POLD3: variants seen among roughly 807,000 people sequenced by gnomAD.
The protein encoded by POLD3 is DNA polymerase delta 3, accessory subunit, also known as DNA polymerase delta subunit 3.
A neutral mutation model predicts 58.2 loss-of-function variants in POLD3; 19 were observed. The observed-to-expected ratio is 0.33, with a 90% CI of 0.23 to 0.48. The LOEUF is 0.48. Ranked by LOEUF, POLD3 falls within the 20% of genes least tolerant of loss-of-function variation. POLD3 has a pLI of 0.99. For missense variants in POLD3, 504 were observed against 545.5 expected, an observed-to-expected ratio of 0.92 and a Z score of 0.76; for synonymous variants, 172 against 193.5, an observed-to-expected ratio of 0.89 and a Z score of 0.92.
intron 6 of POLD3, among the ~76,000 whole-genome samples, chr11:74,619,459 T>A (rs540089274): frequency 1.3e-5 from 2 of 152,330 alleles, no homozygotes; most frequent in African/African-American, 4.8e-5. Context: ...AGAAGAAGGA[T>A]GGAGGAAAAC....
chr11:74,623,377 G>A (rs1456914422), intron 7 of POLD3, among the ~76,000 whole-genome samples: 5 of 152,208 alleles, frequency 3.3e-5, no homozygotes, highest in South Asian at 2.1e-4. Context: ...GGAGCTTGCA[G>A]TGAGCCGAGA....
At position 74,641,548 on chromosome 11, in the gene POLD3, C is replaced by A; in HGVS notation, c.*782C>A. The A allele has an allele frequency of 1.0e-6, 1 of 985,446 alleles. No homozygotes were observed. Among genetic ancestry groups the A allele is most frequent in the Admixed American group, 6.1e-5 (1 of 16,276 alleles). The allele number at this position is 985,446 out of a possible 1,614,324, so 61.0% of individuals were successfully genotyped here. A position where few individuals can be genotyped will look rare whatever the true frequency, so the allele number is the denominator to read the frequency against. On this transcript the variant is annotated 3_prime_UTR_variant, in exon 12 of 12. Transcript: ENST00000263681. ...TGGAGGAGCTGCCGTGCTGCTGATA[C>A]GGGGTGTGCTTTATGCTGCTCTTTG... is the stretch of plus-strand genomic sequence containing the variant.
At chr11:74,627,662 T>A (rs1231697856) in intron 8 of POLD3, among the ~76,000 whole-genome samples, 1 of 152,152 alleles carries the variant, frequency 6.6e-6, no homozygotes, top group Non-Finnish European at 1.5e-5. Flanking sequence ...TAATCTTTTT[T>A]ATACAGTATT....
intron 4 of POLD3, among the ~76,000 whole-genome samples, chr11:74,658,385 C>T (rs1458712239): frequency 1.3e-5 from 2 of 152,118 alleles, no homozygotes; most frequent in African/African-American, 4.8e-5. Context: ...GGGACACAGC[C>T]AAACAGTATC....
chr11:74,599,379 T>TTG (rs1210584617), intron 2 of POLD3, among the ~76,000 whole-genome samples: 1 of 151,412 alleles, frequency 6.6e-6, no homozygotes, highest in Non-Finnish European at 1.5e-5. Flanking sequence ...TTTTTTTTTT[T>TTG]TTTTTTGACG....
At chr11:74,612,769 T>C in intron 4 of POLD3, 109 bp from the exon 5 acceptor site, 1 of 890,578 alleles carries the variant, frequency 1.1e-6, no homozygotes, top group East Asian at 2.6e-5. Context: ...TAGAGTTTTT[T>C]GGACCACCAC....
chr11:74,599,806 C>T (rs939059980), intron 2 of POLD3, among the ~76,000 whole-genome samples: 2 of 151,866 alleles, frequency 1.3e-5, no homozygotes, highest in Non-Finnish European at 2.9e-5. Context: ...TTAGAGAAAG[C>T]GGTATGGGCA....
At chr11:74,643,257 A>G (rs969603361), downstream of POLD3, among the ~76,000 whole-genome samples, 3 of 152,344 alleles carry the variant, frequency 2.0e-5, no homozygotes, top group Middle Eastern at 3.4e-3. Flanking sequence ...TGTAGTAAAA[A>G]GGGGAAGATA....
chr11:74,595,901 G>A (rs1484621311), intron 2 of POLD3, among the ~76,000 whole-genome samples: 1 of 152,276 alleles, frequency 6.6e-6, no homozygotes, highest in African/African-American at 2.4e-5. Flanking sequence ...TGGGATTACA[G>A]ACATAAGCCA....
chr11:74,641,671 A>G lies in POLD3; in HGVS notation c.*905A>G. On this transcript the variant is annotated 3_prime_UTR_variant, in exon 12 of 12. Coordinates refer to ENST00000263681, the MANE Select transcript of POLD3 (RefSeq NM_006591.3). ...AAAAGAGAAATCCCTTCCTATATAC[A>G]GTGTGCTACATTTACAAAAAATTTC... 1 of 985,034 alleles carries G rather than the reference A, an allele frequency of 1.0e-6. No individual in the cohort carries two copies. Among genetic ancestry groups the G allele is most frequent in the Non-Finnish European group, 1.2e-6 (1 of 829,586 alleles). The allele number at this position is 985,034 out of a possible 1,614,324, so 61.0% of individuals were successfully genotyped here. A position where few individuals can be genotyped will look rare whatever the true frequency, so the allele number is the denominator to read the frequency against.
Position 74,604,702 on chromosome 11 carries a change from G to T in POLD3, c.127G>T (p.Asp43Tyr). 1 of 1,589,734 alleles carries T rather than the reference G, an allele frequency of 6.3e-7. No homozygotes were observed. The highest frequency in any genetic ancestry group is 2.2e-5 in the East Asian group (1 of 44,744). ...HVNQAKQMLY[D>Y]YVERKRKENS... ...TTTTCTTTGGAATAGGATGCTGTAT[G>T]ATTATGTTGAAAGGAAACGAAAAGA... The change falls in exon 3 of 12, where the codon GAT becomes TAT. Residue 43 changes from aspartate to tyrosine, a missense_variant. This residue lies in a region of POLD3 where 119 missense variants were observed against 175.0 expected (regional missense o/e 0.68). Coordinates refer to ENST00000263681, the MANE Select transcript of POLD3 (RefSeq NM_006591.3).
At chr11:74,659,932 A>G (rs1387110756) in intron 4 of POLD3, among the ~76,000 whole-genome samples, 2 of 152,170 alleles carry the variant, frequency 1.3e-5, no homozygotes, top group Non-Finnish European at 2.9e-5. Flanking sequence ...AGTTTTGGGT[A>G]TCTTTTCAGC....
chr11:74,663,121 C>A (rs182786661), intron 4 of POLD3, among the ~76,000 whole-genome samples: 1 of 152,306 alleles, frequency 6.6e-6, no homozygotes, highest in East Asian at 1.9e-4. Flanking sequence ...TATAAAGGTG[C>A]TTTTCTTATG....
intron 3 of POLD3, among the ~76,000 whole-genome samples, chr11:74,610,402 G>C (rs2031870234): frequency 6.6e-6 from 1 of 152,058 alleles, no homozygotes; most frequent in African/African-American, 2.4e-5. Context: ...GTAGAGTCAG[G>C]TTTTCACCAT....
chr11:74,602,715 T>C (rs1438383481), intron 2 of POLD3, among the ~76,000 whole-genome samples: 1 of 152,208 alleles, frequency 6.6e-6, no homozygotes, highest in East Asian at 1.9e-4. Flanking sequence ...CTCTCAACTT[T>C]CTAATGGCTT....
intron 4 of POLD3, among the ~76,000 whole-genome samples, chr11:74,665,119 A>AAAAT (rs201169372): frequency 1.3e-5 from 2 of 148,514 alleles, no homozygotes; most frequent in Non-Finnish European, 3.0e-5. Flanking sequence ...AAATAAAAAT[A>AAAAT]AAATAAATAA....
At chr11:74,655,879 TA>T (rs1246474428) in intron 4 of POLD3, among the ~76,000 whole-genome samples, 1 of 152,086 alleles carries the variant, frequency 6.6e-6, no homozygotes, top group African/African-American at 2.4e-5. Context: ...ATGAGAAAAG[TA>T]AAAGTCATAC....
intron 4 of POLD3, among the ~76,000 whole-genome samples, chr11:74,655,257 T>C (rs1251719802): frequency 6.6e-6 from 1 of 152,194 alleles, no homozygotes; most frequent in East Asian, 1.9e-4. Context: ...GCAGCAAGGC[T>C]TAAAAATAAA....
intron 4 of POLD3, among the ~76,000 whole-genome samples, chr11:74,656,948 T>C (rs936046680): frequency 1.4e-4 from 22 of 152,230 alleles, no homozygotes; most frequent in African/African-American, 5.1e-4. Context: ...GTAGGAAATC[T>C]GGCCAGTGCT....
Sources: gnomAD v4.1 joint callset for allele counts (sites outside exome capture counted in the v4.1 genomes callset) on GRCh38, gnomAD v4.1.1 for gene constraint, gnomAD v4.1.1 regional missense constraint, MANE v1.5 for transcripts, NCBI Gene and HGNC (gene_info 2026-07-23, HGNC 2026-07-21) for gene names.